MAP2K5: variants seen among roughly 807,000 people sequenced by gnomAD.
MAP2K5 encodes dual specificity mitogen-activated protein kinase kinase 5.
MAP2K5 carries 49 observed loss-of-function variants against 83.1 expected under a neutral mutation model. The observed-to-expected ratio is 0.59, with a 90% CI of 0.47 to 0.75. MAP2K5 has a LOEUF of 0.75. Ranked by LOEUF, MAP2K5 falls within the 30% of genes least tolerant of loss-of-function variation. The probability of loss-of-function intolerance (pLI) is 0.00; values close to 1 mark genes in which losing one functional copy is unlikely to be tolerated. For missense variants in MAP2K5, 457 were observed against 557.5 expected (o/e 0.82, Z 1.82); for synonymous variants, 202 against 191.8 (o/e 1.05, Z -0.44).
chr15:67,589,013 T>A (rs1229487258), intron 6 of MAP2K5, among the ~76,000 whole-genome samples: 2 of 151,988 alleles, frequency 1.3e-5, no homozygotes, highest in East Asian at 1.9e-4. Context: ...TAAATTTTTT[T>A]AATTTTTAGT....
intron 16 of MAP2K5, among the ~76,000 whole-genome samples, chr15:67,715,661 C>A (rs919080855): frequency 6.6e-6 from 1 of 152,074 alleles, no homozygotes; most frequent in African/African-American, 2.4e-5. Flanking sequence ...AAAGCAAAGT[C>A]TTGATATGAA....
intron 17 of MAP2K5, among the ~76,000 whole-genome samples, chr15:67,739,504 G>A (rs2089444191): frequency 1.2e-5 from 1 of 86,882 alleles, no homozygotes; most frequent in African/African-American, 4.7e-5. Flanking sequence ...TTTTTGAGAT[G>A]GAGTCTCACT....
chr15:67,546,573 C>G (rs2084393438), intron 1 of MAP2K5: 1 of 985,310 alleles, frequency 1.0e-6, no homozygotes, highest in African/African-American at 1.7e-5. Context: ...GGAGGCTGAC[C>G]TGACCCTCAA....
chr15:67,557,124 A>G (rs1279978833), intron 2 of MAP2K5, among the ~76,000 whole-genome samples: 1 of 152,206 alleles, frequency 6.6e-6, no homozygotes, highest in African/African-American at 2.4e-5. Context: ...CAGTTTCATT[A>G]GCAGATTAAT....
chr15:67,699,120 C>T (rs936797887), intron 15 of MAP2K5, among the ~76,000 whole-genome samples: 5 of 151,594 alleles, frequency 3.3e-5, no homozygotes, highest in Non-Finnish European at 7.4e-5. Context: ...TTTAAATATG[C>T]TAGCTAAGTT....
intron 17 of MAP2K5, among the ~76,000 whole-genome samples, chr15:67,729,072 A>G (rs901830958): frequency 4.6e-5 from 7 of 152,216 alleles, no homozygotes; most frequent in Non-Finnish European, 1.0e-4. Context: ...GTTTAAATGT[A>G]ATCTTTTCCT....
intron 2 of MAP2K5, among the ~76,000 whole-genome samples, chr15:67,556,982 A>T (rs2084640937): frequency 6.6e-6 from 1 of 152,200 alleles, no homozygotes; most frequent in Admixed American, 6.5e-5. Flanking sequence ...CTTTTCCCAG[A>T]TGTGAGAACC....
At chr15:67,661,384 A>T (rs2087235303) in intron 12 of MAP2K5, among the ~76,000 whole-genome samples, 1 of 152,096 alleles carries the variant, frequency 6.6e-6, no homozygotes, top group Non-Finnish European at 1.5e-5. Context: ...CCCTGAAAGG[A>T]GGTGCACTTG....
At position 67,604,326 on chromosome 15, in the gene MAP2K5, A is replaced by G. The variant is rs1295335488; in HGVS notation, c.545+3577A>G. On this transcript the variant is annotated intron_variant, in intron 8 of 21. Coordinates refer to ENST00000178640, the MANE Select transcript of MAP2K5 (RefSeq NM_145160.3). ...AGGAAGAAGAAAAGTTTAGGAAAAG[A>G]TAATGAATGTATTTTCCTTGTTGCC... is the stretch of plus-strand genomic sequence containing the variant. Among the ~76,000 whole-genome samples, 5 of 152,272 alleles carry G rather than the reference A, an allele frequency of 3.3e-5. No individual in the cohort carries two copies. The South Asian group carries it at 1.0e-3, about 31-fold the overall frequency.
At chr15:67,761,039 G>C (rs2089940347) in intron 19 of MAP2K5, among the ~76,000 whole-genome samples, 1 of 151,920 alleles carries the variant, frequency 6.6e-6, no homozygotes, top group African/African-American at 2.4e-5. Flanking sequence ...GGTCGGCTGG[G>C]GTGTTGCCTC....
At position 67,660,068 on chromosome 15, in the gene MAP2K5, C is replaced by T. The variant is rs548689284; in HGVS notation, c.798+1454C>T. ...ACTCTGAAGGATTGTTTATATTTGCCTTTACATTTTTTTTAATTAGGGGTT... is the reference window on the plus strand; with the variant it reads ...ACTCTGAAGGATTGTTTATATTTGCTTTTACATTTTTTTTAATTAGGGGTT... On this transcript the variant is annotated intron_variant, in intron 12 of 21. Coordinates refer to ENST00000178640, the MANE Select transcript of MAP2K5 (RefSeq NM_145160.3). Among the ~76,000 whole-genome samples, 529 of 152,066 alleles carry T rather than the reference C, an allele frequency of 3.5e-3. 18 individuals are homozygous for T. Among genetic ancestry groups the T allele is most frequent in the Admixed American group, 0.032 (494 of 15,260 alleles).
At position 67,719,169 on chromosome 15, in the gene MAP2K5, TAA is replaced by T. The variant is rs2088896298; in HGVS notation, c.1045-8746_1045-8745del. ...CAACCTTTTAATCTTTAATAAGAAA[TAA>T]GTCATCTAAATTCATCATAATGGTT... is the stretch of plus-strand genomic sequence containing the variant. On this transcript the variant is annotated intron_variant, in intron 16 of 21. Transcript: ENST00000178640. This position sits in a 1 kb window ranked among gnomAD's most constrained non-coding sequence, Gnocchi z 4.6. 6.6e-6 allele frequency among the ~76,000 whole-genome samples: 1 copy of T among 152,160 alleles called. No individual in the cohort carries two copies. The highest frequency in any genetic ancestry group is 6.5e-5 in the Admixed American group (1 of 15,276).
chr15:67,581,174 C>A (rs1008645857), intron 4 of MAP2K5, among the ~76,000 whole-genome samples: 3 of 152,128 alleles, frequency 2.0e-5, no homozygotes, highest in Non-Finnish European at 4.4e-5. Flanking sequence ...GTGGCCAAAG[C>A]TGCTATTGAG....
At position 67,780,675 on chromosome 15, in the gene MAP2K5, C is replaced by T. The variant is rs3784713; in HGVS notation, c.1242+7923C>T. Among the ~76,000 whole-genome samples, 98,050 of 152,090 alleles carry T rather than the reference C, an allele frequency of 0.64. 32,358 individuals are homozygous for T. Among genetic ancestry groups the T allele is most frequent in the East Asian group, 0.95 (4,915 of 5,186 alleles). On this transcript the variant is annotated intron_variant, in intron 21 of 21. Transcript: ENST00000178640. The surrounding 1 kb of genome is among the most constrained non-coding windows in gnomAD (Gnocchi z 5.0). ...CAGATAAAAAAGGTTTTTGTTTGACCTCCTGCTAGGAGAGGTCATCTAGGT... is the reference window on the plus strand; with the variant it reads ...CAGATAAAAAAGGTTTTTGTTTGACTTCCTGCTAGGAGAGGTCATCTAGGT...
chr15:67,543,080 T>G lies in MAP2K5; in HGVS notation c.-256T>G. On this transcript the variant is annotated 5_prime_UTR_variant, in exon 1 of 22. Coordinates refer to ENST00000178640, the MANE Select transcript of MAP2K5 (RefSeq NM_145160.3). This position sits in a 1 kb window ranked among gnomAD's most constrained non-coding sequence, Gnocchi z 4.3. ...CCAGAACCTTCCGACCTCCGCTAGT[T>G]CCTGCGGGCCTTTGCCCGCTTCCCG... 1.9e-6 allele frequency: 1 copy of G among 536,302 alleles called. No individual in the cohort carries two copies. Among genetic ancestry groups the G allele is most frequent in the Non-Finnish European group, 3.4e-6 (1 of 297,204 alleles). The allele number at this position is 536,302 out of a possible 1,614,324, so 33.2% of individuals were successfully genotyped here.
chr15:67,671,480 C>T (rs1009242112), intron 13 of MAP2K5, among the ~76,000 whole-genome samples: 1 of 151,940 alleles, frequency 6.6e-6, no homozygotes, highest in African/African-American at 2.4e-5. Flanking sequence ...TGTGCCTTAG[C>T]TAAGAAAATG....
intron 13 of MAP2K5, among the ~76,000 whole-genome samples, chr15:67,672,464 G>C (rs1292609289): frequency 1.3e-5 from 2 of 151,534 alleles, no homozygotes; most frequent in Non-Finnish European, 3.0e-5. Context: ...GTCTTCTTTT[G>C]AGAAGTGTCT....
intron 19 of MAP2K5, among the ~76,000 whole-genome samples, chr15:67,756,808 T>G (rs545336598): frequency 1.3e-5 from 2 of 151,104 alleles, no homozygotes; most frequent in East Asian, 3.9e-4. Context: ...GTGTCTGACT[T>G]ACTTCACTTA....
intron 6 of MAP2K5, among the ~76,000 whole-genome samples, chr15:67,592,531 T>G (rs190877483): frequency 6.6e-6 from 1 of 152,222 alleles, no homozygotes; most frequent in Non-Finnish European, 1.5e-5. Context: ...AAATTATCTA[T>G]TTTGTCTTTT....
Sources: allele counts gnomAD v4.1 joint callset (sites outside exome capture counted in the v4.1 genomes callset), GRCh38; gene constraint gnomAD v4.1.1; non-coding constraint Gnocchi (gnomAD v3.1); transcripts MANE v1.5; gene names NCBI Gene and HGNC (gene_info 2026-07-23, HGNC 2026-07-21).